Variants in ZNF7 observed in about 807,000 individuals in gnomAD.
ZNF7 encodes C2-H2 type zinc finger protein.
In ZNF7, 10 loss-of-function variants were observed where a neutral mutation model predicts 12.0. That is an observed-to-expected ratio of 0.83 (90% CI 0.51 to 1.42). The LOEUF (loss-of-function observed/expected upper bound fraction) is 1.42. Ranked by LOEUF, ZNF7 falls within the 40% of genes most tolerant of loss-of-function variation. The pLI, the probability that ZNF7 is intolerant of heterozygous loss-of-function variation, is 0.00. For synonymous variants in ZNF7, 334 were observed against 295.0 expected, an observed-to-expected ratio of 1.13 and a Z score of -1.35; for missense variants, 854 against 837.2, an observed-to-expected ratio of 1.02 and a Z score of -0.25.
intron 3 of ZNF7, chr8:144,835,544 T>C (rs1050772302): frequency 3.9e-5 from 6 of 152,126 alleles, no homozygotes; most frequent in African/African-American, 1.4e-4. Context: ...GTGTCTCTTA[T>C]TCTCTGTTTT....
chr8:144,829,266 G>C (rs1828152905), intron 2 of ZNF7, 176 bp downstream of exon 2: 15 of 1,530,746 alleles, frequency 9.8e-6, no homozygotes, highest in Non-Finnish European at 1.3e-5. Context: ...GCCTAATTGA[G>C]GCTCTTGAGG....
At chr8:144,837,874 G>C in intron 4 of ZNF7, 1 of 555,936 alleles carries the variant, frequency 1.8e-6, no homozygotes, top group Non-Finnish European at 3.2e-6. Flanking sequence ...ACCTCTCCTC[G>C]GGTAAGCATA....
chr8:144,838,163 T>C (rs1586816268), intron 4 of ZNF7: 2 of 702,850 alleles, frequency 2.8e-6, no homozygotes, highest in Non-Finnish European at 5.2e-6. Context: ...TCCCTCACTC[T>C]GATCTCCGAC....
chr8:144,839,621 G>T (rs1373089457), intron 4 of ZNF7, among the ~76,000 whole-genome samples: 1 of 152,274 alleles, frequency 6.6e-6, no homozygotes, highest in East Asian at 1.9e-4. Flanking sequence ...GGTGAGAGCT[G>T]CTGTTGATGG....
Position 144,833,080 on chromosome 8 carries a change from C to T in ZNF7, c.130+3476C>T, listed in dbSNP as rs191487111. 8.9e-3 allele frequency among the ~76,000 whole-genome samples: 1,353 copies of T among 152,124 alleles called. 11 individuals carry two copies. The highest frequency in any genetic ancestry group is 0.024 in the Middle Eastern group (7 of 294). On this transcript the variant is annotated intron_variant, in intron 3 of 4. Coordinates refer to ENST00000532777, the MANE Select transcript of ZNF7 (RefSeq NM_003416.4). ...GGGTGTGGTGGCTCACGCCTGTAAT[C>T]CCAGCTACTCAGAAGGCTGAGACAG...
intron 1 of ZNF7, among the ~76,000 whole-genome samples, chr8:144,828,334 G>A (rs1053750918): frequency 1.3e-5 from 2 of 152,206 alleles, no homozygotes; most frequent in African/African-American, 4.8e-5. Context: ...CGACAGGTGA[G>A]CTGGAGACTG....
downstream of ZNF7, chr8:144,846,049 T>C (rs968966003): frequency 8.5e-6 from 13 of 1,536,538 alleles, no homozygotes; most frequent in Middle Eastern, 1.7e-4. Flanking sequence ...CTCCTGTTCC[T>C]GGCCTTCCAA....
chr8:144,846,054 T>G, downstream of ZNF7: 1 of 1,536,628 alleles, frequency 6.5e-7, no homozygotes, highest in Non-Finnish European at 8.7e-7. Flanking sequence ...GTTCCTGGCC[T>G]TCCAAAACAC....
downstream of ZNF7, among the ~76,000 whole-genome samples, chr8:144,845,429 G>A (rs183827459): frequency 5.1e-4 from 78 of 152,224 alleles, no homozygotes; most frequent in Non-Finnish European, 1.0e-3. Context: ...AGTGGCCCAG[G>A]TGGAGCACGG....
chr8:144,841,241 A>T, intron 4 of ZNF7, 114 bp from the exon 5 acceptor site: 3 of 1,085,552 alleles, frequency 2.8e-6, no homozygotes, highest in South Asian at 1.6e-5. Flanking sequence ...CTGGGGCCTC[A>T]CAGTGCTCAG....
At position 144,843,226 on chromosome 8, in the gene ZNF7, T is replaced by C. The variant is rs1341675386; in HGVS notation, c.*58T>C. 2 of 1,489,850 alleles carry C rather than the reference T, an allele frequency of 1.3e-6. No individual in the cohort carries two copies. The highest frequency in any genetic ancestry group is 2.3e-5 in the East Asian group (1 of 43,844). 92.3% of individuals were successfully genotyped at this position (1,489,850 alleles called of 1,614,324 possible). On this transcript the variant is annotated 3_prime_UTR_variant, in exon 5 of 5. Transcript: ENST00000532777. ...TAAACCTATAGCCTTAACTTACTTATTTTATATGGAATCGTTTATACTGAC... is the reference window on the plus strand; with the variant it reads ...TAAACCTATAGCCTTAACTTACTTACTTTATATGGAATCGTTTATACTGAC...
At chr8:144,829,277 GGGGA>G in intron 2 of ZNF7, 187 bp downstream of exon 2, 1 of 1,531,348 alleles carries the variant, frequency 6.5e-7, no homozygotes, top group African/African-American at 1.4e-5. Flanking sequence ...GCTCTTGAGG[GGGGA>G]GGGTTGTATG....
At chr8:144,830,781 C>T (rs571845809) in intron 3 of ZNF7, 76 of 333,328 alleles carry the variant, frequency 2.3e-4, no homozygotes, top group African/African-American at 1.0e-3. Context: ...TCACCCATGC[C>T]GGAGTGCAAT....
In ZNF7 at chr8:144,843,069, A is replaced by T; in HGVS notation, c.1962A>T (p.Arg654Ser). ...GTTCACACCTAATTATACACCAGAG[A>T]ATTCACACCGGGGAGAAGCCTTATA... Reference protein sequence around the residue: ...RWRSHLIIHQRIHTGEKPYKC... With the variant: ...RWRSHLIIHQSIHTGEKPYKC... Residue 654 changes from arginine (R) to serine (S), a missense_variant, in exon 5 of 5, where the codon AGA becomes AGT. By Grantham distance (110) the Arg-to-Ser change is moderately radical. Coordinates refer to ENST00000532777, the MANE Select transcript of ZNF7 (RefSeq NM_003416.4). 1 of 1,614,010 alleles carries T rather than the reference A, an allele frequency of 6.2e-7. No individual in the cohort carries two copies. Among genetic ancestry groups the T allele is most frequent in the Non-Finnish European group, 8.5e-7 (1 of 1,179,998 alleles).
intron 4 of ZNF7, 89 bp downstream of exon 4, chr8:144,837,596 C>G (rs909247170): frequency 3.1e-6 from 3 of 982,356 alleles, no homozygotes; most frequent in Non-Finnish European, 4.6e-6. Context: ...GTGGGTGAGT[C>G]GCGGGGGCTA....
rs766373722 is a variant in ZNF7, at chr8:144,842,963, C to T, written c.1856C>T (p.Ser619Phe). 9 of 1,614,178 alleles carry T rather than the reference C, an allele frequency of 5.6e-6. No homozygotes were observed. The highest frequency in any genetic ancestry group is 1.7e-5 in the Admixed American group (1 of 60,020). Residue 619 changes from serine to phenylalanine, a missense_variant, in exon 5 of 5, where the codon TCC becomes TTC. Ser to Phe is a radical substitution (Grantham distance 155). Coordinates refer to ENST00000532777, the MANE Select transcript of ZNF7 (RefSeq NM_003416.4). ...FYEYGNALEG[S>F]TFVSRKKVNT... ...GAATATGGGAATGCCCTGGAAGGGTCCACCTTTGTGAGCCGTAAAAAGGTT... is the reference window on the plus strand; with the variant it reads ...GAATATGGGAATGCCCTGGAAGGGTTCACCTTTGTGAGCCGTAAAAAGGTT...
At chr8:144,838,175 CCTT>C (rs1563834386) in intron 4 of ZNF7, 1 of 702,390 alleles carries the variant, frequency 1.4e-6, no homozygotes, top group Admixed American at 2.0e-5. Context: ...ATCTCCGACT[CCTT>C]CACACGGCTG....
At chr8:144,828,753 C>T (rs561788113) in intron 1 of ZNF7, 14 of 427,456 alleles carry the variant, frequency 3.3e-5, no homozygotes, top group Non-Finnish European at 5.6e-5. Flanking sequence ...GCAGGGTCCT[C>T]GTGTCCACTA....
Position 144,841,872 on chromosome 8 carries a change from TG to T in ZNF7, c.768del (p.Val258SerfsTer32), listed in dbSNP as rs1337151887. The stretch of plus-strand genomic sequence containing the variant: ...AGAAGCCGTACGAATGTGCAGAGTG[TG>T]GGAAAGTCTTCAGGCTCTGCTCGCA... ...GEKPYECAECGKVFRLCSQLN... is the reference protein window; with the variant it reads ...GEKPYECAECXKVFRLCSQLN... On this transcript the variant is annotated frameshift_variant, in exon 5 of 5. Transcript: ENST00000532777. LOFTEE classifies it low-confidence loss of function (END_TRUNC). 2 of 1,614,070 alleles carry T rather than the reference TG, an allele frequency of 1.2e-6. No individual in the cohort carries two copies. The highest frequency in any genetic ancestry group is 1.7e-6 in the Non-Finnish European group (2 of 1,179,982).
Sources: allele counts gnomAD v4.1 joint callset (sites outside exome capture counted in the v4.1 genomes callset), GRCh38; gene constraint gnomAD v4.1.1; transcripts MANE v1.5; gene names NCBI Gene and HGNC (gene_info 2026-07-23, HGNC 2026-07-21).